Variants in CKAP5 observed in about 807,000 individuals in gnomAD.
CKAP5 encodes cytoskeleton-associated protein 5.
A neutral mutation model predicts 232.8 loss-of-function variants in CKAP5; 27 were observed. That is an observed-to-expected ratio of 0.12 (90% CI 0.09 to 0.16). CKAP5 has a LOEUF of 0.16. Among genes scored for constraint, CKAP5 ranks in the 10% least tolerant of loss-of-function variants. The pLI is 1.00. For missense variants in CKAP5, 1,838 were observed against 2,424.7 expected, an observed-to-expected ratio of 0.76 and a Z score of 5.08; for synonymous variants, 785 against 841.1, an observed-to-expected ratio of 0.93 and a Z score of 1.16.
chr11:46,775,932 C>G (rs2065286616), intron 24 of CKAP5, among the ~76,000 whole-genome samples: 1 of 151,982 alleles, frequency 6.6e-6, no homozygotes, highest in South Asian at 2.1e-4. Context: ...TGTAACGAAC[C>G]TGCATGTTCT....
intron 42 of CKAP5, among the ~76,000 whole-genome samples, chr11:46,744,922 A>T (rs1483390739): frequency 6.6e-6 from 1 of 152,168 alleles, no homozygotes; most frequent in African/African-American, 2.4e-5. Flanking sequence ...CCAACTGAAA[A>T]ACCCGAGGAC....
At chr11:46,767,344 C>A (rs1169630611) in intron 27 of CKAP5, among the ~76,000 whole-genome samples, 2 of 152,130 alleles carry the variant, frequency 1.3e-5, no homozygotes, top group African/African-American at 4.8e-5. Context: ...TAAAGTAAAT[C>A]TTTCCCCGAA....
At position 46,758,654 on chromosome 11, in the gene CKAP5, C is replaced by T. The variant is rs2065129448; in HGVS notation, c.4689+269G>A. On this transcript the variant is annotated intron_variant, in intron 35 of 43. Transcript: ENST00000529230. ...GGGGCTGCAATGTGCTATGATAGTG[C>T]CTGTGAATAGCCACTGTACTCCAGC... 2.7e-5 allele frequency: 8 copies of T among 291,264 alleles called. No homozygotes were observed. The South Asian group carries it at 4.3e-4, about 16-fold the overall frequency. The allele number at this position is 291,264 out of a possible 1,614,324, so 18.0% of individuals were successfully genotyped here.
chr11:46,765,780 T>C (rs1261156027), intron 27 of CKAP5, among the ~76,000 whole-genome samples: 1 of 152,038 alleles, frequency 6.6e-6, no homozygotes, highest in Non-Finnish European at 1.5e-5. Context: ...AATTTTTGTA[T>C]TTTTAGTAGA....
At chr11:46,753,200 G>T in intron 37 of CKAP5, 110 bp downstream of exon 37, 1 of 804,708 alleles carries the variant, frequency 1.2e-6, no homozygotes, top group Non-Finnish European at 2.0e-6. Flanking sequence ...CTAGGAAGTT[G>T]ATTATGATTG....
intron 35 of CKAP5, 139 bp downstream of exon 35, chr11:46,758,784 C>A: frequency 1.1e-6 from 1 of 876,104 alleles, no homozygotes; most frequent in Non-Finnish European, 1.7e-6. Context: ...TGAGTGGCAC[C>A]TGTGCATTTC....
intron 9 of CKAP5, among the ~76,000 whole-genome samples, chr11:46,799,941 C>A (rs1162102760): frequency 6.6e-6 from 1 of 151,546 alleles, no homozygotes; most frequent in African/African-American, 2.4e-5. Context: ...GTTAAGGCTG[C>A]AGTGAACTGA....
chr11:46,753,667 A>T (rs939752109), intron 36 of CKAP5, among the ~76,000 whole-genome samples, 170 bp from the exon 37 acceptor site: 1 of 152,010 alleles, frequency 6.6e-6, no homozygotes, highest in African/African-American at 2.4e-5. Flanking sequence ...GCTTACTGCA[A>T]GCTCTGCCTC....
intron 1 of CKAP5, among the ~76,000 whole-genome samples, chr11:46,829,678 G>C (rs938036033): frequency 3.3e-5 from 5 of 152,194 alleles, no homozygotes; most frequent in African/African-American, 1.2e-4. Context: ...TATTAGTAAA[G>C]TTTTGGGGGT....
chr11:46,791,213 C>T (rs1293057117), intron 13 of CKAP5, among the ~76,000 whole-genome samples: 3 of 151,676 alleles, frequency 2.0e-5, no homozygotes, highest in African/African-American at 2.4e-5. Context: ...GAATGACATC[C>T]TGATACCTTT....
chr11:46,845,928 G>A (rs1940178782), intron 1 of CKAP5, among the ~76,000 whole-genome samples: 1 of 151,778 alleles, frequency 6.6e-6, no homozygotes, highest in South Asian at 2.1e-4. Flanking sequence ...GCGCGGCCCT[G>A]CACCGCCCGC....
At chr11:46,819,491 G>A (rs886636342) in intron 2 of CKAP5, among the ~76,000 whole-genome samples, 1 of 152,166 alleles carries the variant, frequency 6.6e-6, no homozygotes, top group Non-Finnish European at 1.5e-5. Context: ...TGAGAAGTTA[G>A]TTTGTGGGAT....
At chr11:46,747,557 G>A (rs1278627686) in intron 42 of CKAP5, among the ~76,000 whole-genome samples, 2 of 150,568 alleles carry the variant, frequency 1.3e-5, no homozygotes, top group Non-Finnish European at 2.9e-5. Context: ...AGCCAAGATC[G>A]TGCCATAGCA....
At chr11:46,783,996 G>A (rs974014022) in intron 17 of CKAP5, among the ~76,000 whole-genome samples, 3 of 151,756 alleles carry the variant, frequency 2.0e-5, no homozygotes, top group African/African-American at 2.4e-5. Context: ...GTGAGCCTCT[G>A]TGTCTGACCG....
Position 46,743,826 on chromosome 11 carries a change from T to A in CKAP5, c.*197A>T. ...CACTAAACTCATCCACGGACAGTCTTCTAGAGCAGCAGGACGCTGACAGAG... is the reference window on the plus strand; with the variant it reads ...CACTAAACTCATCCACGGACAGTCTACTAGAGCAGCAGGACGCTGACAGAG... On this transcript the variant is annotated 3_prime_UTR_variant, in exon 44 of 44. Transcript: ENST00000529230. 1.5e-6 allele frequency: 1 copy of A among 654,632 alleles called. No homozygotes were observed. Among genetic ancestry groups the A allele is most frequent in the Non-Finnish European group, 2.6e-6 (1 of 388,538 alleles). 40.6% of individuals were successfully genotyped at this position (654,632 alleles called of 1,614,324 possible).
intron 28 of CKAP5, among the ~76,000 whole-genome samples, chr11:46,764,494 A>C (rs2065185383): frequency 6.6e-6 from 1 of 152,252 alleles, no homozygotes; most frequent in Admixed American, 6.5e-5. Context: ...AAACATCATT[A>C]AAAGAAAATA....
chr11:46,749,454 C>T (rs1421422484), intron 42 of CKAP5, among the ~76,000 whole-genome samples: 2 of 45,640 alleles, frequency 4.4e-5, no homozygotes, highest in South Asian at 1.4e-3. Flanking sequence ...GACTCCGTCT[C>T]AAGAAAAAAA....
chr11:46,827,442 C>A (rs1939681445), intron 1 of CKAP5, among the ~76,000 whole-genome samples: 1 of 152,044 alleles, frequency 6.6e-6, no homozygotes, highest in African/African-American at 2.4e-5. Context: ...CCAGCCTGGG[C>A]AACAAAGTGA....
intron 24 of CKAP5, among the ~76,000 whole-genome samples, chr11:46,775,639 C>T (rs2065284009): frequency 6.7e-6 from 1 of 149,500 alleles, no homozygotes; most frequent in Admixed American, 6.9e-5. Context: ...TACTATGCAA[C>T]CACAGAAGAA....
Sources: allele counts gnomAD v4.1 joint callset (sites outside exome capture counted in the v4.1 genomes callset), GRCh38; gene constraint gnomAD v4.1.1; transcripts MANE v1.5; gene names NCBI Gene and HGNC (gene_info 2026-07-23, HGNC 2026-07-21).